Variants in ZMYM1 observed in about 807,000 individuals in gnomAD.
ZMYM1 encodes the protein zinc finger MYM-type containing 1.
In ZMYM1, 39 loss-of-function variants were observed where a neutral mutation model predicts 60.0. The observed-to-expected ratio is 0.65, with a 90% CI of 0.50 to 0.85. The LOEUF is 0.85. ZMYM1 is among the 40% of genes least tolerant of loss of function. The pLI is 0.00. For synonymous variants in ZMYM1, 413 were observed against 454.0 expected, an observed-to-expected ratio of 0.91 and a Z score of 1.15; for missense variants, 1,171 against 1,309.5, an observed-to-expected ratio of 0.89 and a Z score of 1.63.
rs1315258577 is a variant in ZMYM1 at position 35,104,576 on chromosome 1, A to G, written c.614A>G (p.Tyr205Cys). The change falls in exon 6 of 10, where the codon TAC (tyrosine) becomes TGC (cysteine). Residue 205 changes from tyrosine to cysteine, a missense_variant. By Grantham distance (194) the Tyr-to-Cys change is radical (BLOSUM62 -2). Coordinates refer to ENST00000359858, the MANE Select transcript of ZMYM1 (RefSeq NM_024772.5). ...TCCTAGATTCAGTATGAAGTAAAATACCAAAATGTGAAACATAATCTTTGC... is the reference window on the plus strand; with the variant it reads ...TCCTAGATTCAGTATGAAGTAAAATGCCAAAATGTGAAACATAATCTTTGC... The part of the protein sequence containing the change: ...KTAIIQYEVK[Y>C]QNVKHNLCSN... The G allele has an allele frequency of 6.2e-7, 1 of 1,614,164 alleles. No homozygotes were observed. Among genetic ancestry groups the G allele is most frequent in the Non-Finnish European group, 8.5e-7 (1 of 1,180,014 alleles).
chr1:35,075,683 T>C (rs937426916), upstream of ZMYM1, among the ~76,000 whole-genome samples: 9 of 152,164 alleles, frequency 5.9e-5, no homozygotes, highest in African/African-American at 2.2e-4. Context: ...CAAGTTAATA[T>C]ATACACCAAT....
chr1:35,092,971 G>A (rs1643113039), intron 1 of ZMYM1, among the ~76,000 whole-genome samples: 1 of 152,122 alleles, frequency 6.6e-6, no homozygotes, highest in African/African-American at 2.4e-5. Flanking sequence ...CATAGAGCAG[G>A]CAAGGAGAGT....
chr1:35,061,173 C>T (rs762226547), intron 1 of ZMYM1, among the ~76,000 whole-genome samples: 59 of 152,188 alleles, frequency 3.9e-4, no homozygotes, highest in Non-Finnish European at 6.9e-4. Flanking sequence ...CTACAGAAGG[C>T]TCTGGGACAC....
At chr1:35,069,804 T>C (rs1000811681) in intron 1 of ZMYM1, among the ~76,000 whole-genome samples, 1 of 152,212 alleles carries the variant, frequency 6.6e-6, no homozygotes, top group Non-Finnish European at 1.5e-5. Context: ...CTTGTGCATA[T>C]GCATATCCAA....
intron 9 of ZMYM1, 82 bp downstream of exon 9, chr1:35,112,212 C>A: frequency 7.0e-7 from 1 of 1,422,344 alleles, no homozygotes. Flanking sequence ...GAGTCTCGCT[C>A]TGCCACCCAA....
chr1:35,093,907 A>G lies in ZMYM1; in HGVS notation c.-74-7A>G, dbSNP rs1324044588. On this transcript the variant is annotated splice_region_variant and splice_polypyrimidine_tract_variant and intron_variant, in intron 1 of 9. Coordinates refer to ENST00000359858, the MANE Select transcript of ZMYM1 (RefSeq NM_024772.5). ...AAATCAAACTCTTTATCAATATTTT[A>G]TTTTAGGAATCTGGAAACTGTTCTT... is the stretch of plus-strand genomic sequence containing the variant. The G allele has an allele frequency of 4.1e-6, 4 of 980,840 alleles. No individual in the cohort carries two copies. Among genetic ancestry groups the G allele is most frequent in the Non-Finnish European group, 6.0e-6 (4 of 671,496 alleles). The allele number at this position is 980,840 out of a possible 1,614,324, so 60.8% of individuals were successfully genotyped here.
At chr1:35,068,154 CAT>C (rs1642004172) in intron 1 of ZMYM1, among the ~76,000 whole-genome samples, 1 of 151,838 alleles carries the variant, frequency 6.6e-6, no homozygotes, top group Non-Finnish European at 1.5e-5. Context: ...TGCAGTGGCT[CAT>C]GCCTGTAATC....
At position 35,113,157 on chromosome 1, in the gene ZMYM1, A is replaced by G; in HGVS notation, c.1327A>G (p.Thr443Ala). 6.2e-7 allele frequency: 1 copy of G among 1,613,846 alleles called. No individual in the cohort carries two copies. The highest frequency in any genetic ancestry group is 8.5e-7 in the Non-Finnish European group (1 of 1,179,902). The change falls in exon 10 of 10, where the codon ACA (threonine) becomes GCA (alanine). Residue 443 changes from threonine to alanine, a missense_variant. Thr to Ala is a moderately conservative substitution (Grantham distance 58). Transcript: ENST00000359858. Reference protein sequence around the residue: ...ISDELCHPKCTSKVQKVKGKS... With the variant: ...ISDELCHPKCASKVQKVKGKS... ...TGATGAACTATGTCACCCAAAATGT[A>G]CATCCAAAGTACAAAAAGTTAAAGG...
intron 1 of ZMYM1, among the ~76,000 whole-genome samples, chr1:35,073,703 G>A (rs12079511): frequency 0.23 from 33,713 of 148,694 alleles, 8,816 homozygotes; most frequent in African/African-American, 0.63. Context: ...AGGAGGGAGG[G>A]AGGAAGGAAG....
intron 1 of ZMYM1, 123 bp from the exon 2 acceptor site, chr1:35,093,791 T>C (rs1374051392): frequency 2.5e-6 from 1 of 404,912 alleles, no homozygotes; most frequent in African/African-American, 2.1e-5. Flanking sequence ...AAGAAGCCAG[T>C]GTTCTTTCAA....
At chr1:35,089,246 C>T (rs934326988) in intron 1 of ZMYM1, among the ~76,000 whole-genome samples, 6 of 152,104 alleles carry the variant, frequency 3.9e-5, no homozygotes, top group Admixed American at 1.3e-4. Flanking sequence ...GCTGTGATAC[C>T]GCCACTGCAC....
Position 35,111,839 on chromosome 1 carries a change from A to G in ZMYM1, c.1029A>G (p.Pro343=). Residue 343 remains proline, a synonymous_variant, in exon 8 of 10, where the codon CCA becomes CCG. Coordinates refer to ENST00000359858, the MANE Select transcript of ZMYM1 (RefSeq NM_024772.5). ...ELLSPKKDTT[P]VISNIVSLAD... The stretch of plus-strand genomic sequence containing the variant: ...TTTCTCCAAAGAAAGATACGACTCC[A>G]GTTATAAGCAATATAGTGTCATTGG... 6.2e-7 allele frequency: 1 copy of G among 1,609,618 alleles called. No homozygotes were observed. Among genetic ancestry groups the G allele is most frequent in the Non-Finnish European group, 8.5e-7 (1 of 1,176,808 alleles).
chr1:35,088,434 GTATATATATA>G (rs58346528), intron 1 of ZMYM1, among the ~76,000 whole-genome samples: 40 of 68,058 alleles, frequency 5.9e-4, no homozygotes, highest in African/African-American at 1.6e-3. Flanking sequence ...GTGTTTATGT[GTATATATATA>G]TATATATATA....
At chr1:35,105,241 TCTC>T (rs930945566) in intron 6 of ZMYM1, among the ~76,000 whole-genome samples, 3 of 150,550 alleles carry the variant, frequency 2.0e-5, no homozygotes, top group African/African-American at 7.3e-5. Flanking sequence ...TTCATGCCAT[TCTC>T]CTGCCTCGGC....
Position 35,115,236 on chromosome 1 carries a change from A to G in ZMYM1, c.3406A>G (p.Ile1136Val), listed in dbSNP as rs200770792. The G allele has an allele frequency of 3.4e-4, 550 of 1,595,186 alleles. No individual in the cohort carries two copies. Among genetic ancestry groups the G allele is most frequent in the Admixed American group, 6.2e-4 (34 of 54,888 alleles). ...ERLNEIVEKF[I>V]SQMKEI is the part of the protein sequence containing the mutation. The stretch of plus-strand genomic sequence containing the variant: ...ACTCAATGAAATTGTGGAAAAGTTT[A>G]TCAGTCAGATGAAAGAAATATAATA... Residue 1136 changes from isoleucine to valine, a missense_variant, in exon 10 of 10, where the codon ATC (isoleucine) becomes GTC (valine). By Grantham distance (29) the Ile-to-Val change is conservative. Transcript: ENST00000359858.
chr1:35,098,004 T>C (rs1643430208), intron 4 of ZMYM1, among the ~76,000 whole-genome samples: 1 of 152,210 alleles, frequency 6.6e-6, no homozygotes. Flanking sequence ...AAGTTTTTTC[T>C]ACTTTTAGTT....
rs1182959144 is a variant in ZMYM1 at position 35,112,910 on chromosome 1, G to A, written c.1147-67G>A. The A allele has an allele frequency of 3.0e-5, 41 of 1,349,572 alleles. No individual in the cohort carries two copies. In the Middle Eastern group the frequency reaches 7.9e-4, roughly 26 times the overall value. 83.6% of individuals were successfully genotyped at this position (1,349,572 alleles called of 1,614,324 possible). On this transcript the variant is annotated intron_variant, in intron 9 of 9. Transcript: ENST00000359858. ...TTTATTTTACTATGTTATTAGAGTA[G>A]ATATATTTGATATTTTAATTAATTT...
At chr1:35,081,338 T>A (rs1244751687) in intron 1 of ZMYM1, among the ~76,000 whole-genome samples, 3 of 152,240 alleles carry the variant, frequency 2.0e-5, no homozygotes, top group African/African-American at 4.8e-5. Flanking sequence ...CATACCACAC[T>A]ATCTTAATTT....
chr1:35,074,361 T>A (rs1642128239), intron 1 of ZMYM1, among the ~76,000 whole-genome samples: 1 of 152,172 alleles, frequency 6.6e-6, no homozygotes, highest in Admixed American at 6.6e-5. Flanking sequence ...TCTGTAAATG[T>A]CTGTTAAGTC....
Sources: allele counts gnomAD v4.1 joint callset (sites outside exome capture counted in the v4.1 genomes callset), GRCh38; gene constraint gnomAD v4.1.1; transcripts MANE v1.5; gene names NCBI Gene and HGNC (gene_info 2026-07-23, HGNC 2026-07-21).